Variants in PBX3 observed in about 807,000 individuals in gnomAD.
PBX3 encodes PBX homeobox 3.
Under a neutral mutation model 48.5 loss-of-function variants are expected in PBX3, and 14 were observed. The observed-to-expected ratio is 0.29, with a 90% CI of 0.19 to 0.45. PBX3 has a LOEUF of 0.45. Ranked by LOEUF, PBX3 falls within the 20% of genes least tolerant of loss-of-function variation. The pLI, the probability that PBX3 is intolerant of heterozygous loss-of-function variation, is 1.00. For missense variants in PBX3, 386 were observed against 546.7 expected, an observed-to-expected ratio of 0.71 and a Z score of 2.93; for synonymous variants, 210 against 200.3, an observed-to-expected ratio of 1.05 and a Z score of -0.41.
intron 2 of PBX3, among the ~76,000 whole-genome samples, chr9:125,763,451 A>G (rs1836722647): frequency 6.6e-6 from 1 of 152,216 alleles, no homozygotes; most frequent in Non-Finnish European, 1.5e-5. Flanking sequence ...AGCCAGAGAA[A>G]ATGGCAACCT....
intron 2 of PBX3, among the ~76,000 whole-genome samples, chr9:125,863,343 A>G (rs982336393): frequency 6.6e-6 from 1 of 151,948 alleles, no homozygotes; most frequent in Admixed American, 6.6e-5. Flanking sequence ...AGCTGGGACT[A>G]CAGGTGCTTG....
At chr9:125,875,385 CCTT>C (rs1252568743) in intron 2 of PBX3, among the ~76,000 whole-genome samples, 6 of 152,182 alleles carry the variant, frequency 3.9e-5, no homozygotes, top group Admixed American at 1.3e-4. Flanking sequence ...ATTTTGACCT[CCTT>C]AATCATTTCC....
chr9:125,829,567 A>G (rs897171400), intron 2 of PBX3, among the ~76,000 whole-genome samples: 8 of 152,300 alleles, frequency 5.3e-5, no homozygotes, highest in African/African-American at 9.6e-5. Flanking sequence ...TAAAAAACTC[A>G]TTATAGGAGA....
intron 2 of PBX3, among the ~76,000 whole-genome samples, chr9:125,878,713 TTG>T (rs1269790912): frequency 6.6e-6 from 1 of 152,242 alleles, no homozygotes; most frequent in Non-Finnish European, 1.5e-5. Context: ...ATGCATTTCT[TTG>T]TTTCTTACTG....
intron 3 of PBX3, among the ~76,000 whole-genome samples, chr9:125,925,758 G>A (rs1252231808): frequency 6.6e-6 from 1 of 152,148 alleles, no homozygotes; most frequent in Admixed American, 6.6e-5. Context: ...TGGCTACTGA[G>A]AATTTAAAAA....
intron 2 of PBX3, among the ~76,000 whole-genome samples, chr9:125,914,455 T>C (rs183013792): frequency 6.6e-6 from 1 of 152,304 alleles, no homozygotes; most frequent in Admixed American, 6.5e-5. Context: ...AGGAATGAAA[T>C]CTGTTCTTAA....
At chr9:125,926,916 GT>G (rs1176703453) in intron 3 of PBX3, among the ~76,000 whole-genome samples, 1 of 152,128 alleles carries the variant, frequency 6.6e-6, no homozygotes, top group East Asian at 1.9e-4. Context: ...TCAACTTCTG[GT>G]TTTAGTCTAC....
At chr9:125,782,997 C>T (rs1057068205) in intron 2 of PBX3, among the ~76,000 whole-genome samples, 3 of 152,146 alleles carry the variant, frequency 2.0e-5, no homozygotes, top group Non-Finnish European at 4.4e-5. Flanking sequence ...TTTCTTTCAA[C>T]AGTTTGATTA....
intron 5 of PBX3, among the ~76,000 whole-genome samples, chr9:125,947,822 T>G (rs1340907147): frequency 1.3e-5 from 2 of 152,012 alleles, no homozygotes; most frequent in Non-Finnish European, 2.9e-5. Context: ...ATGAAAAAAT[T>G]TAAACAATAG....
intron 8 of PBX3, among the ~76,000 whole-genome samples, chr9:125,964,011 A>G (rs1208334475): frequency 6.6e-6 from 1 of 152,238 alleles, no homozygotes; most frequent in African/African-American, 2.4e-5. Flanking sequence ...AAAGCCTTTT[A>G]GTTGCATTTC....
chr9:125,781,615 A>C (rs1187625817), intron 2 of PBX3, among the ~76,000 whole-genome samples: 1 of 151,782 alleles, frequency 6.6e-6, no homozygotes, highest in African/African-American at 2.4e-5. Context: ...GCAGAGGCAG[A>C]GGCAGAACCT....
intron 2 of PBX3, among the ~76,000 whole-genome samples, chr9:125,782,010 G>A (rs979805620): frequency 6.6e-6 from 1 of 151,184 alleles, no homozygotes; most frequent in African/African-American, 2.4e-5. Context: ...ATAATTTTTG[G>A]ATATTTTCTT....
intron 2 of PBX3, among the ~76,000 whole-genome samples, chr9:125,865,822 G>A (rs575501821): frequency 6.6e-6 from 1 of 152,248 alleles, no homozygotes; most frequent in East Asian, 1.9e-4. Flanking sequence ...ATTGTCATTA[G>A]CCTATAGCCT....
At chr9:125,826,386 GA>G (rs1333025451) in intron 2 of PBX3, among the ~76,000 whole-genome samples, 2 of 152,098 alleles carry the variant, frequency 1.3e-5, no homozygotes, top group African/African-American at 2.4e-5. Context: ...AAACAGAATT[GA>G]AAATCAGATA....
Position 125,947,569 on chromosome 9 carries a change from T to A in PBX3, c.843+11962T>A, listed in dbSNP as rs563000526. On this transcript the variant is annotated intron_variant, in intron 5 of 8. Transcript: ENST00000373489. ...GACAGAGACATAGAATAATTTTTTT[T>A]AAAATAAGCAGTCTAAAAGATGGCA... 7.2e-5 allele frequency among the ~76,000 whole-genome samples: 11 copies of A among 152,138 alleles called. No homozygotes were observed. The South Asian group carries it at 1.0e-3, about 14-fold the overall frequency.
chr9:125,877,780 C>CAACA (rs1840290578), intron 2 of PBX3, among the ~76,000 whole-genome samples: 1 of 152,184 alleles, frequency 6.6e-6, no homozygotes, highest in African/African-American at 2.4e-5. Context: ...ATATCATCAT[C>CAACA]AACAACATCA....
intron 2 of PBX3, among the ~76,000 whole-genome samples, chr9:125,911,223 C>T (rs1332687804): frequency 6.6e-6 from 1 of 152,114 alleles, no homozygotes; most frequent in African/African-American, 2.4e-5. Flanking sequence ...TTCCAGATGT[C>T]CTGCCTCCTA....
At chr9:125,792,591 A>G (rs191113271) in intron 2 of PBX3, among the ~76,000 whole-genome samples, 1 of 152,158 alleles carries the variant, frequency 6.6e-6, no homozygotes, top group Admixed American at 6.5e-5. Flanking sequence ...GATAGGGAGC[A>G]GTGGTTTCCC....
intron 2 of PBX3, among the ~76,000 whole-genome samples, chr9:125,765,258 C>T (rs1004182038): frequency 6.6e-6 from 1 of 151,160 alleles, no homozygotes; most frequent in East Asian, 1.9e-4. Context: ...AAGTGATCCT[C>T]GCACCTCAGC....
Sources: gnomAD v4.1 joint callset for allele counts (sites outside exome capture counted in the v4.1 genomes callset) on GRCh38, gnomAD v4.1.1 for gene constraint, MANE v1.5 for transcripts, NCBI Gene and HGNC (gene_info 2026-07-23, HGNC 2026-07-21) for gene names.